The following ESR1 variants were observed in gnomAD, a reference collection of about 807,000 sequenced individuals.
The protein encoded by ESR1 is estrogen receptor 1, also known as estrogen receptor.
Under a neutral mutation model 52.7 loss-of-function variants are expected in ESR1, and 12 were observed. The observed-to-expected ratio is 0.23, with a 90% CI of 0.15 to 0.37. ESR1 has a LOEUF of 0.37. ESR1 is among the 10% of genes least tolerant of loss of function. The probability of loss-of-function intolerance (pLI) is 1.00; values close to 1 mark genes in which losing one functional copy is unlikely to be tolerated. For synonymous variants in ESR1, 305 were observed against 316.8 expected (o/e 0.96, Z 0.39); for missense variants, 584 against 779.7 (o/e 0.75, Z 2.99).
rs141508452 is a variant in ESR1, at chr6:152,012,017, T to TAC, written c.1235+252_1235+253dup. Among the ~76,000 whole-genome samples the TAC allele has an allele frequency of 0.13, 18,613 of 141,666 alleles. 1,293 individuals are homozygous for TAC. The highest frequency in any genetic ancestry group is 0.25 in the East Asian group (1,155 of 4,704). The allele number at this position is 141,666 out of a possible 152,430, so 92.9% of individuals were successfully genotyped here. On this transcript the variant is annotated intron_variant, in intron 5 of 7. Transcript: ENST00000206249. ...CTCAGAAGAATTCTATTATTTCTAA[T>TAC]ACACACACACACACACACACACACA...
intron 2 of ESR1, among the ~76,000 whole-genome samples, chr6:151,773,906 A>G (rs1785729037): frequency 1.3e-5 from 2 of 152,230 alleles, no homozygotes; most frequent in Admixed American, 1.3e-4. Context: ...GTTATCAGCA[A>G]TGTTATGGTG....
At chr6:151,741,709 G>T (rs1326075488) in intron 2 of ESR1, among the ~76,000 whole-genome samples, 1 of 152,032 alleles carries the variant, frequency 6.6e-6, no homozygotes, top group African/African-American at 2.4e-5. Context: ...ACAACATGAC[G>T]TGATGAGATA....
At chr6:151,990,259 T>C (rs2040880809) in intron 4 of ESR1, among the ~76,000 whole-genome samples, 1 of 152,040 alleles carries the variant, frequency 6.6e-6, no homozygotes, top group Admixed American at 6.6e-5. Context: ...TGTGTGTGTG[T>C]GCAGTACAGA....
intron 2 of ESR1, among the ~76,000 whole-genome samples, chr6:151,784,438 TAA>T (rs1269123896): frequency 6.6e-6 from 1 of 152,154 alleles, no homozygotes; most frequent in Non-Finnish European, 1.5e-5. Context: ...AAAAACACTT[TAA>T]AAAAATGAAG....
chr6:151,768,180 A>G (rs1168312445), intron 2 of ESR1, among the ~76,000 whole-genome samples: 1 of 152,258 alleles, frequency 6.6e-6, no homozygotes, highest in East Asian at 1.9e-4. Flanking sequence ...TACAGAGAAG[A>G]AGAAATCTGG....
chr6:151,871,695 G>C (rs927011610), intron 2 of ESR1, among the ~76,000 whole-genome samples: 2 of 152,146 alleles, frequency 1.3e-5, no homozygotes, highest in Non-Finnish European at 2.9e-5. Flanking sequence ...ATGAGCCACT[G>C]TGCCCGGCCA....
chr6:151,891,316 G>A (rs1794667807), intron 3 of ESR1, among the ~76,000 whole-genome samples: 1 of 152,000 alleles, frequency 6.6e-6, no homozygotes, highest in South Asian at 2.1e-4. Context: ...TTTCAGAAAG[G>A]GTTTATCTTG....
intron 1 of ESR1, among the ~76,000 whole-genome samples, chr6:151,832,430 G>C (rs919169256): frequency 1.5e-4 from 23 of 152,146 alleles, no homozygotes; most frequent in African/African-American, 5.3e-4. Flanking sequence ...ATACAAAATT[G>C]CATAGCAATT....
intron 4 of ESR1, among the ~76,000 whole-genome samples, chr6:152,004,530 C>A (rs115443246): frequency 6.6e-6 from 1 of 151,846 alleles, no homozygotes; most frequent in African/African-American, 2.4e-5. Flanking sequence ...ATACTGCAGG[C>A]CTTCTACTGG....
intron 6 of ESR1, among the ~76,000 whole-genome samples, chr6:152,082,542 A>C (rs1380424916): frequency 6.6e-6 from 1 of 152,240 alleles, no homozygotes; most frequent in African/African-American, 2.4e-5. Context: ...ATTCCTTTTG[A>C]AAACCAGCAC....
At chr6:152,076,868 C>G (rs2982895) in intron 6 of ESR1, among the ~76,000 whole-genome samples, 67,528 of 151,984 alleles carry the variant, frequency 0.44, 16,737 homozygotes, top group African/African-American at 0.66. Context: ...GTTGTTAAAA[C>G]CATTCTGTTT....
intron 4 of ESR1, among the ~76,000 whole-genome samples, chr6:152,001,944 G>A (rs2041979473): frequency 6.6e-6 from 1 of 151,894 alleles, no homozygotes; most frequent in Non-Finnish European, 1.5e-5. Flanking sequence ...GACTGGCTGG[G>A]CCCACTCCTT....
intron 2 of ESR1, among the ~76,000 whole-genome samples, chr6:151,796,950 C>T (rs1209509161): frequency 2.0e-5 from 3 of 152,322 alleles, no homozygotes; most frequent in African/African-American, 4.8e-5. Context: ...CCAACCTATA[C>T]GTTGGGGTGA....
Position 152,101,220 on chromosome 6 carries a change from T to G in ESR1, c.*2254T>G, listed in dbSNP as rs970699674. 1 of 231,994 alleles carries G rather than the reference T, an allele frequency of 4.3e-6. No individual in the cohort carries two copies. Among genetic ancestry groups the G allele is most frequent in the Non-Finnish European group, 8.5e-6 (1 of 117,160 alleles). The allele number at this position is 231,994 out of a possible 1,614,324, so 14.4% of individuals were successfully genotyped here. ...GGATACTGAATGACAGACAATCTTA[T>G]GTAGCAAAGATTATGCCTGAAAAGG... On this transcript the variant is annotated 3_prime_UTR_variant, in exon 8 of 8. Transcript: ENST00000206249.
At chr6:151,948,922 A>G (rs2128549132) in intron 4 of ESR1, among the ~76,000 whole-genome samples, 1 of 152,164 alleles carries the variant, frequency 6.6e-6, no homozygotes, top group East Asian at 1.9e-4. Context: ...AGCAGATTTG[A>G]GCTCAGGAAG....
At chr6:151,660,788 T>G (rs549483271) in intron 1 of ESR1, among the ~76,000 whole-genome samples, 1 of 152,342 alleles carries the variant, frequency 6.6e-6, no homozygotes, top group Admixed American at 6.5e-5. Context: ...TATGTGCACA[T>G]ACACTGGTAA....
intron 2 of ESR1, among the ~76,000 whole-genome samples, chr6:151,744,043 T>C (rs774634089): frequency 3.3e-5 from 5 of 152,224 alleles, no homozygotes; most frequent in African/African-American, 4.8e-5. Flanking sequence ...CTTAGCATAC[T>C]GTTTTCGAGG....
intron 6 of ESR1, among the ~76,000 whole-genome samples, chr6:152,112,568 G>T (rs947958538): frequency 6.6e-6 from 1 of 152,176 alleles, no homozygotes; most frequent in Non-Finnish European, 1.5e-5. Context: ...AATAAGCAAG[G>T]TTTATCACCA....
intron 6 of ESR1, among the ~76,000 whole-genome samples, chr6:152,088,753 T>C (rs970195696): frequency 5.3e-5 from 8 of 152,218 alleles, no homozygotes; most frequent in East Asian, 1.9e-4. Flanking sequence ...TCCATAACTG[T>C]AGGAAATGAA....
Sources: gnomAD v4.1 joint callset for allele counts (sites outside exome capture counted in the v4.1 genomes callset) on GRCh38, gnomAD v4.1.1 for gene constraint, MANE v1.5 for transcripts, NCBI Gene and HGNC (gene_info 2026-07-23, HGNC 2026-07-21) for gene names.